SPRED2: variants seen among roughly 807,000 people sequenced by gnomAD.
SPRED2 encodes the protein sprouty-related, EVH1 domain-containing protein 2.
Under a neutral mutation model 43.0 loss-of-function variants are expected in SPRED2, and 47 were observed. The ratio of observed to expected loss-of-function variants is 1.09; its 90% confidence interval spans 0.87 to 1.40. The LOEUF (loss-of-function observed/expected upper bound fraction) is 1.40. Among genes scored for constraint, SPRED2 ranks in the 40% most tolerant of loss-of-function variants. The probability of loss-of-function intolerance (pLI) is 0.00; values close to 1 mark genes in which losing one functional copy is unlikely to be tolerated. For synonymous variants in SPRED2, 225 were observed against 225.7 expected (o/e 1.00, Z 0.03); for missense variants, 561 against 586.4 (o/e 0.96, Z 0.45).
At chr2:65,401,906 T>C in intron 1 of SPRED2, among the ~76,000 whole-genome samples, 1 of 150,072 alleles carries the variant, frequency 6.7e-6, no homozygotes, top group Non-Finnish European at 1.5e-5. Context: ...GATTATAAAT[T>C]GTAAAACGAT....
chr2:65,363,876 C>T lies in SPRED2; in HGVS notation c.27-18980G>A, dbSNP rs149581688. On this transcript the variant is annotated intron_variant, in intron 1 of 5. Transcript: ENST00000356388. ...CTTTAGAATATAATTTTAGTAAGTG[C>T]TAAAAATCTGCAAGCCAGCAAAGAT... 1.0e-3 allele frequency among the ~76,000 whole-genome samples: 154 copies of T among 152,212 alleles called. 1 individual carries two copies. The highest frequency in any genetic ancestry group is 3.7e-3 in the African/African-American group (152 of 41,534).
rs144455820 is a variant in SPRED2 at position 65,380,023 on chromosome 2, C to T, written c.27-35127G>A. On this transcript the variant is annotated intron_variant, in intron 1 of 5. Transcript: ENST00000356388. ...ATACAAGGAGGTTGAGTGCTTCTTA[C>T]ACACCCAACTCTAAAGTCCTTGCTG... is the stretch of plus-strand genomic sequence containing the variant. Among the ~76,000 whole-genome samples the T allele has an allele frequency of 6.1e-3, 930 of 152,312 alleles. 22 individuals carry two copies. The highest frequency in any genetic ancestry group is 0.052 in the Admixed American group (792 of 15,304).
chr2:65,341,157 T>G (rs1674173767), intron 2 of SPRED2, among the ~76,000 whole-genome samples: 1 of 149,412 alleles, frequency 6.7e-6, no homozygotes, highest in Admixed American at 6.7e-5. Flanking sequence ...TGGGTATGGG[T>G]GTGAGGGGAG....
downstream of SPRED2, among the ~76,000 whole-genome samples, chr2:65,309,211 CAAAG>C (rs2104081606): frequency 6.7e-6 from 1 of 148,208 alleles, no homozygotes; most frequent in East Asian, 2.0e-4. Flanking sequence ...AAAAACAAAA[CAAAG>C]AAAGGGCCAG....
At chr2:65,413,045 G>A (rs1239359601) in intron 1 of SPRED2, among the ~76,000 whole-genome samples, 2 of 152,180 alleles carry the variant, frequency 1.3e-5, no homozygotes, top group East Asian at 3.8e-4. Context: ...TCACCTATAA[G>A]TGGGCTGATC....
At chr2:65,405,795 G>A (rs984184950) in intron 1 of SPRED2, among the ~76,000 whole-genome samples, 7 of 152,102 alleles carry the variant, frequency 4.6e-5, no homozygotes, top group Admixed American at 1.3e-4. Context: ...CTACATCTGA[G>A]CTCCTCCACA....
At chr2:65,385,042 G>A (rs1304059171) in intron 1 of SPRED2, among the ~76,000 whole-genome samples, 6 of 145,370 alleles carry the variant, frequency 4.1e-5, no homozygotes, top group East Asian at 2.1e-4. Flanking sequence ...GCGCCATCTC[G>A]GCTCACTGCA....
chr2:65,351,559 C>T (rs1446833605), intron 1 of SPRED2, among the ~76,000 whole-genome samples: 1 of 152,196 alleles, frequency 6.6e-6, no homozygotes, highest in African/African-American at 2.4e-5. Context: ...CCAAATATAA[C>T]ACCAACTTCT....
At chr2:65,397,599 T>G (rs1478457426) in intron 1 of SPRED2, among the ~76,000 whole-genome samples, 1 of 147,708 alleles carries the variant, frequency 6.8e-6, no homozygotes, top group African/African-American at 2.5e-5. Flanking sequence ...ACAATCTGTT[T>G]CTAGCATCAC....
At chr2:65,426,775 T>C (rs1400902575) in intron 1 of SPRED2, among the ~76,000 whole-genome samples, 1 of 152,210 alleles carries the variant, frequency 6.6e-6, no homozygotes, top group Non-Finnish European at 1.5e-5. Flanking sequence ...AGTAAGCAAA[T>C]TGCTAAGGCA....
At chr2:65,323,760 C>T (rs1673508071) in intron 4 of SPRED2, among the ~76,000 whole-genome samples, 1 of 151,936 alleles carries the variant, frequency 6.6e-6, no homozygotes, top group Non-Finnish European at 1.5e-5. Flanking sequence ...CCTGTAGTCC[C>T]AGCTACTCGG....
At chr2:65,343,973 T>C (rs1310544397) in intron 2 of SPRED2, among the ~76,000 whole-genome samples, 32 of 151,848 alleles carry the variant, frequency 2.1e-4, no homozygotes, top group Admixed American at 2.1e-3. Flanking sequence ...ATGGTGAAAC[T>C]CTGTCTCTAC....
At chr2:65,366,010 G>A (rs939730283) in intron 1 of SPRED2, among the ~76,000 whole-genome samples, 2 of 150,134 alleles carry the variant, frequency 1.3e-5, no homozygotes, top group East Asian at 2.0e-4. Context: ...AATTCAGTAT[G>A]AGCAAATTGT....
rs369215063 is a variant in SPRED2 at position 65,366,525 on chromosome 2, A to G, written c.27-21629T>C. The G allele has an allele frequency of 1.2e-3, 1,808 of 1,499,766 alleles. 5 individuals carry two copies. The highest frequency in any genetic ancestry group is 1.8e-3 in the South Asian group (146 of 80,842). The allele number at this position is 1,499,766 out of a possible 1,614,324, so 92.9% of individuals were successfully genotyped here. On this transcript the variant is annotated intron_variant, in intron 1 of 5. Transcript: ENST00000356388. The stretch of plus-strand genomic sequence containing the variant: ...CTTTAAAAAAATGCTAAAAGCAGGC[A>G]CCAGAAAGGTTAAGAATAAGAGAAC...
chr2:65,334,559 G>C lies in SPRED2; in HGVS notation c.373+46C>G. ...GACTATTGGAATTAAAAATAATTTGGAACATTTCCATAGTCCCACTAAGAA... is the reference window on the plus strand; with the variant it reads ...GACTATTGGAATTAAAAATAATTTGCAACATTTCCATAGTCCCACTAAGAA... On this transcript the variant is annotated intron_variant, in intron 3 of 5. Coordinates refer to ENST00000356388, the MANE Select transcript of SPRED2 (RefSeq NM_181784.3). The C allele has an allele frequency of 2.5e-6, 4 of 1,588,318 alleles. No individual in the cohort carries two copies. In the South Asian group the frequency reaches 4.5e-5, roughly 18 times the overall value.
At position 65,313,360 on chromosome 2, in the gene SPRED2, T is replaced by C. The variant is rs1187663528; in HGVS notation, c.*141A>G. 3 of 1,491,184 alleles carry C rather than the reference T, an allele frequency of 2.0e-6. No homozygotes were observed. The highest frequency in any genetic ancestry group is 2.3e-5 in the East Asian group (1 of 43,506). The allele number at this position is 1,491,184 out of a possible 1,614,324, so 92.4% of individuals were successfully genotyped here. A position where few individuals can be genotyped will look rare whatever the true frequency, so the allele number is the denominator to read the frequency against. On this transcript the variant is annotated 3_prime_UTR_variant, in exon 6 of 6. Transcript: ENST00000356388. The stretch of plus-strand genomic sequence containing the variant: ...CCGGCAGCGTCCCTGGCTGGAATGG[T>C]GCCTCGAGGTACCAGGGAGCTGGGA...
chr2:65,323,184 A>G (rs1019522007), intron 4 of SPRED2, among the ~76,000 whole-genome samples: 2 of 152,022 alleles, frequency 1.3e-5, no homozygotes, highest in Admixed American at 6.6e-5. Context: ...TAGTAGAGAC[A>G]GGGTTTCGCC....
chr2:65,408,168 C>CAAAGCT (rs1676068798), intron 1 of SPRED2, among the ~76,000 whole-genome samples: 1 of 152,180 alleles, frequency 6.6e-6, no homozygotes, highest in African/African-American at 2.4e-5. Context: ...GTCCTTTCAA[C>CAAAGCT]AAAGCTTTAG....
intron 1 of SPRED2, among the ~76,000 whole-genome samples, chr2:65,390,746 T>G (rs1319761010): frequency 6.6e-6 from 1 of 152,188 alleles, no homozygotes; most frequent in Non-Finnish European, 1.5e-5. Flanking sequence ...ATTTACTCTT[T>G]CCCTGTATTT....
Sources: allele counts gnomAD v4.1 joint callset (sites outside exome capture counted in the v4.1 genomes callset), GRCh38; gene constraint gnomAD v4.1.1; transcripts MANE v1.5; gene names NCBI Gene and HGNC (gene_info 2026-07-23, HGNC 2026-07-21).